Variants in TGFB2 observed in about 807,000 individuals in gnomAD.
TGFB2 encodes the protein transforming growth factor beta 2.
Under a neutral mutation model 42.7 loss-of-function variants are expected in TGFB2, and 13 were observed. That is an observed-to-expected ratio of 0.30 (90% CI 0.20 to 0.48). The LOEUF (loss-of-function observed/expected upper bound fraction) is 0.48. TGFB2 is among the 20% of genes least tolerant of loss of function. The pLI is 0.99. For synonymous variants in TGFB2, 193 were observed against 193.6 expected (o/e 1.00, Z 0.03); for missense variants, 390 against 517.5 (o/e 0.75, Z 2.39).
chr1:218,434,960 A>C (rs916721025), intron 4 of TGFB2, among the ~76,000 whole-genome samples: 1 of 152,200 alleles, frequency 6.6e-6, no homozygotes, highest in African/African-American at 2.4e-5. Flanking sequence ...TCCTTATCAG[A>C]ATTTTATATT....
chr1:218,366,115 A>G (rs1305399149), intron 1 of TGFB2, among the ~76,000 whole-genome samples: 2 of 152,174 alleles, frequency 1.3e-5, no homozygotes, highest in African/African-American at 2.4e-5. Flanking sequence ...ATTGGTTAAG[A>G]TGTGGTTAGC....
At chr1:218,392,168 G>A (rs6665174) in intron 1 of TGFB2, among the ~76,000 whole-genome samples, 9,079 of 152,180 alleles carry the variant, frequency 0.06, 886 homozygotes, top group African/African-American at 0.2. Context: ...TGGCCAATAC[G>A]TGAAACCCCA....
intron 2 of TGFB2, among the ~76,000 whole-genome samples, chr1:218,409,427 T>C (rs1266636553): frequency 2.0e-5 from 3 of 152,218 alleles, no homozygotes; most frequent in Admixed American, 1.3e-4. Context: ...CTGGCCTCTT[T>C]ATTTGGAGTC....
At chr1:218,348,935 G>A (rs1470662947) in intron 1 of TGFB2, among the ~76,000 whole-genome samples, 1 of 152,170 alleles carries the variant, frequency 6.6e-6, no homozygotes, top group African/African-American at 2.4e-5. Flanking sequence ...TAACCCAAGA[G>A]GGCATTAGTT....
At chr1:218,392,250 G>A (rs540812523) in intron 1 of TGFB2, among the ~76,000 whole-genome samples, 67 of 152,304 alleles carry the variant, frequency 4.4e-4, no homozygotes, top group Non-Finnish European at 7.8e-4. Flanking sequence ...CTACTCAGGA[G>A]GCTGAGGCAG....
chr1:218,415,688 CT>C (rs1448048542), intron 2 of TGFB2, among the ~76,000 whole-genome samples: 1 of 105,898 alleles, frequency 9.4e-6, no homozygotes, highest in Non-Finnish European at 1.7e-5. Flanking sequence ...GAGCGAGACT[CT>C]GTCTCAAAAG....
In TGFB2 at chr1:218,436,067, G is replaced by C. The variant is rs771319501; in HGVS notation, c.852G>C (p.Met284Ile). ...NSGKTPHLLL[M>I]LLPSYRLESQ... is the part of the protein sequence containing the mutation. ...GGAAGACCCCACATCTCCTGCTAAT[G>C]TTATTGCCCTCCTACAGACTTGAGT... is the stretch of plus-strand genomic sequence containing the variant. The change falls in exon 5 of 7, where the codon ATG becomes ATC. Residue 284 changes from methionine (M) to isoleucine (I), a missense_variant. By Grantham distance (10) the Met-to-Ile change is conservative. Transcript: ENST00000366930. 6.2e-7 allele frequency: 1 copy of C among 1,614,160 alleles called. No homozygotes were observed. Among genetic ancestry groups the C allele is most frequent in the Non-Finnish European group, 8.5e-7 (1 of 1,179,980 alleles).
At chr1:218,420,375 C>T (rs1276878928) in intron 2 of TGFB2, among the ~76,000 whole-genome samples, 1 of 152,184 alleles carries the variant, frequency 6.6e-6, no homozygotes, top group Non-Finnish European at 1.5e-5. Context: ...CAGTTGAATC[C>T]TTTTCTCTTT....
At chr1:218,400,112 G>C (rs1238647276) in intron 1 of TGFB2, among the ~76,000 whole-genome samples, 1 of 152,006 alleles carries the variant, frequency 6.6e-6, no homozygotes. Context: ...TAGCCTTGAA[G>C]GTCCTTTAGT....
chr1:218,425,375 T>C (rs1233484644), intron 2 of TGFB2, among the ~76,000 whole-genome samples: 1 of 151,780 alleles, frequency 6.6e-6, no homozygotes, highest in African/African-American at 2.4e-5. Flanking sequence ...GCCCGGCTAA[T>C]TTTTTGTATT....
intron 1 of TGFB2, among the ~76,000 whole-genome samples, chr1:218,368,472 A>G (rs955896929): frequency 4.6e-5 from 7 of 152,238 alleles, no homozygotes; most frequent in Admixed American, 2.0e-4. Context: ...TACTTGTATC[A>G]GGCAGCAGTC....
intron 1 of TGFB2, among the ~76,000 whole-genome samples, chr1:218,362,615 A>G (rs1657250769): frequency 6.6e-6 from 1 of 152,144 alleles, no homozygotes. Context: ...AGTTTTGAAC[A>G]CTCAGCAATA....
At chr1:218,412,669 T>G (rs140286573) in intron 2 of TGFB2, among the ~76,000 whole-genome samples, 135 of 152,310 alleles carry the variant, frequency 8.9e-4, no homozygotes, top group Non-Finnish European at 1.4e-3. Context: ...AATGAAATAA[T>G]GTCTATGACG....
chr1:218,354,806 A>C (rs1397986294), intron 1 of TGFB2, among the ~76,000 whole-genome samples: 1 of 152,230 alleles, frequency 6.6e-6, no homozygotes, highest in Non-Finnish European at 1.5e-5. Flanking sequence ...TCTGAAGCAC[A>C]CAACCTGGGT....
intron 1 of TGFB2, among the ~76,000 whole-genome samples, chr1:218,360,587 GAT>G (rs1227067295): frequency 6.6e-6 from 1 of 152,118 alleles, no homozygotes; most frequent in Non-Finnish European, 1.5e-5. Context: ...TGATGGGGTT[GAT>G]AGGTGCAGCA....
At chr1:218,387,186 T>C (rs1202529468) in intron 1 of TGFB2, among the ~76,000 whole-genome samples, 2 of 151,642 alleles carry the variant, frequency 1.3e-5, no homozygotes, top group Admixed American at 6.6e-5. Context: ...TATTTGGAGA[T>C]TGGAAGTGAT....
intron 1 of TGFB2, among the ~76,000 whole-genome samples, chr1:218,359,074 C>T (rs545415253): frequency 2.0e-5 from 3 of 152,148 alleles, no homozygotes; most frequent in South Asian, 2.1e-4. Context: ...TGCAGGTTAA[C>T]GAGAGGGAGA....
intron 2 of TGFB2, among the ~76,000 whole-genome samples, chr1:218,407,194 C>T (rs1380006950): frequency 1.3e-5 from 2 of 152,140 alleles, no homozygotes; most frequent in Admixed American, 1.3e-4. Context: ...ACTTCCAGGG[C>T]TCAAGCGATC....
chr1:218,424,347 G>A (rs1192577305), intron 2 of TGFB2, among the ~76,000 whole-genome samples: 1 of 152,174 alleles, frequency 6.6e-6, no homozygotes, highest in African/African-American at 2.4e-5. Context: ...GCTAAAACTT[G>A]GGTCAGATAA....
Sources: gnomAD v4.1 joint callset for allele counts (sites outside exome capture counted in the v4.1 genomes callset) on GRCh38, gnomAD v4.1.1 for gene constraint, MANE v1.5 for transcripts, NCBI Gene and HGNC (gene_info 2026-07-23, HGNC 2026-07-21) for gene names.